TENM4: variants seen among roughly 807,000 people sequenced by gnomAD.
TENM4 encodes the protein teneurin-4.
TENM4 carries 82 observed loss-of-function variants against 243.3 expected under a neutral mutation model. That is an observed-to-expected ratio of 0.34 (90% confidence interval 0.28 to 0.40). The LOEUF (loss-of-function observed/expected upper bound fraction) is 0.40. Ranked by LOEUF, TENM4 falls within the 10% of genes least tolerant of loss-of-function variation. The pLI is 1.00. For missense variants in TENM4, 3,138 were observed against 3,673.3 expected, an observed-to-expected ratio of 0.85 and a Z score of 3.77; for synonymous variants, 1,412 against 1,456.3, an observed-to-expected ratio of 0.97 and a Z score of 0.69.
At chr11:78,714,506 A>G (rs1001206142) in intron 25 of TENM4, among the ~76,000 whole-genome samples, 5 of 146,118 alleles carry the variant, frequency 3.4e-5, no homozygotes, top group Non-Finnish European at 7.5e-5. Context: ...AACCAAGGGG[A>G]GGTCTCTCCG....
intron 3 of TENM4, among the ~76,000 whole-genome samples, chr11:79,198,664 C>G (rs1863683094): frequency 2.0e-5 from 3 of 152,226 alleles, no homozygotes; most frequent in Admixed American, 6.5e-5. Flanking sequence ...AGGTGCCAAC[C>G]CTGCTTTCTA....
chr11:79,057,574 T>G (rs1167131975), intron 6 of TENM4, among the ~76,000 whole-genome samples: 3 of 152,192 alleles, frequency 2.0e-5, no homozygotes, highest in Non-Finnish European at 4.4e-5. Flanking sequence ...ACAACTATTA[T>G]AGAGAAACAT....
intron 27 of TENM4, 69 bp from the exon 28 acceptor site, chr11:78,702,472 T>C: frequency 1.9e-6 from 3 of 1,549,360 alleles, no homozygotes; most frequent in African/African-American, 2.7e-5. Flanking sequence ...CCATAGCCCA[T>C]GTAGCCCATA....
chr11:79,138,434 T>C (rs1374147349), intron 4 of TENM4, among the ~76,000 whole-genome samples: 2 of 114,464 alleles, frequency 1.7e-5, no homozygotes, highest in African/African-American at 7.3e-5. Flanking sequence ...TATATATAAA[T>C]ATATATTATA....
At chr11:79,224,420 A>G (rs1864221952) in intron 2 of TENM4, among the ~76,000 whole-genome samples, 1 of 152,168 alleles carries the variant, frequency 6.6e-6, no homozygotes, top group Admixed American at 6.5e-5. Flanking sequence ...CAGTAAGTGA[A>G]GGAAGAATGT....
intron 15 of TENM4, among the ~76,000 whole-genome samples, chr11:78,800,720 T>C (rs1177042176): frequency 7.3e-6 from 1 of 137,886 alleles, no homozygotes; most frequent in Admixed American, 7.3e-5. Context: ...GGCCCTGACC[T>C]CACAGAGTTC....
rs552315930 is a variant in TENM4 at position 79,352,983 on chromosome 11, G to A, written c.-320-55440C>T. Among the ~76,000 whole-genome samples, 22 of 152,192 alleles carry A rather than the reference G, an allele frequency of 1.4e-4. No homozygotes were observed. The South Asian group carries it at 4.4e-3, about 30-fold the overall frequency. Reference sequence around the variant, plus strand: ...ACAGAAAAATGACAGAGAGACACAGGCAGACGGATACCCTCATTGGCAAGG... The same window carrying A: ...ACAGAAAAATGACAGAGAGACACAGACAGACGGATACCCTCATTGGCAAGG... On this transcript the variant is annotated intron_variant, in intron 1 of 33. Transcript: ENST00000278550.
chr11:79,162,410 C>A (rs942252911), intron 3 of TENM4, among the ~76,000 whole-genome samples: 2 of 152,100 alleles, frequency 1.3e-5, no homozygotes, highest in African/African-American at 2.4e-5. Flanking sequence ...ATAGGAAATA[C>A]TAAATAAGTA....
chr11:79,279,334 C>G (rs952021539), intron 2 of TENM4, among the ~76,000 whole-genome samples: 1 of 152,094 alleles, frequency 6.6e-6, no homozygotes, highest in Non-Finnish European at 1.5e-5. Flanking sequence ...CTGAGAGTAG[C>G]AACAGGTAAG....
chr11:79,000,810 C>T (rs1384223739), intron 6 of TENM4, among the ~76,000 whole-genome samples: 1 of 152,204 alleles, frequency 6.6e-6, no homozygotes, highest in Non-Finnish European at 1.5e-5. Flanking sequence ...GCAGGTGGAT[C>T]ACCTGAGGTC....
chr11:78,807,191 C>A (rs1015254325), intron 14 of TENM4, among the ~76,000 whole-genome samples: 4 of 152,176 alleles, frequency 2.6e-5, no homozygotes, highest in African/African-American at 9.7e-5. Flanking sequence ...ACTCTGCTTT[C>A]AATTCATTTG....
At position 78,732,499 on chromosome 11, in the gene TENM4, G is replaced by A; in HGVS notation, c.2955C>T (p.Thr985=). 2 of 1,613,682 alleles carry A rather than the reference G, an allele frequency of 1.2e-6. No individual in the cohort carries two copies. The highest frequency in any genetic ancestry group is 4.5e-5 in the East Asian group (2 of 44,866). Residue 985 remains threonine, a synonymous_variant, in exon 21 of 34, where the codon ACC becomes ACT. Transcript: ENST00000278550. ...ERAPFITQEH[T]LWLPWDRFFV... ...AGAAGCGATCCCATGGCAGCCACAG[G>A]GTGTGCTCCTGTGTGATGAAAGGTG...
intron 1 of TENM4, among the ~76,000 whole-genome samples, chr11:79,358,320 T>C (rs1857531036): frequency 6.6e-6 from 1 of 152,196 alleles, no homozygotes; most frequent in African/African-American, 2.4e-5. Context: ...CAATATTACA[T>C]CTTGTTGATC....
At chr11:78,903,887 G>A (rs1856000028) in intron 6 of TENM4, 2 of 533,706 alleles carry the variant, frequency 3.7e-6, no homozygotes, top group Non-Finnish European at 3.6e-6. Context: ...CTTCAGCATC[G>A]TCTGGGAACT....
chr11:78,918,489 G>T (rs959633186), intron 6 of TENM4, among the ~76,000 whole-genome samples: 2 of 150,362 alleles, frequency 1.3e-5, no homozygotes, highest in African/African-American at 2.4e-5. Context: ...AATCCAATCA[G>T]CCCAGTTCAG....
rs1259137399 is a variant in TENM4 at position 78,670,444 on chromosome 11, C to A, written c.5901G>T (p.Glu1967Asp). ...TGTAGTAGCCCACTGAGCGGATGGT[C>A]TCTAGTGTCTGCCGCGCCACGTTGG... is the stretch of plus-strand genomic sequence containing the variant. Reference protein sequence around the residue: ...TMPNVARQTLETIRSVGYYRN... With the variant: ...TMPNVARQTLDTIRSVGYYRN... Residue 1967 changes from glutamate to aspartate, a missense_variant, in exon 32 of 34, where the codon GAG becomes GAT. Around this residue, in one of 2 missense-constraint regions of TENM4, gnomAD observed 2,467 missense variants for 3,059.1 expected, o/e 0.81. Transcript: ENST00000278550. 6.2e-7 allele frequency: 1 copy of A among 1,613,832 alleles called. No individual in the cohort carries two copies. The highest frequency in any genetic ancestry group is 1.7e-5 in the Admixed American group (1 of 60,002).
chr11:79,205,280 C>T (rs761093583), intron 3 of TENM4, among the ~76,000 whole-genome samples: 3 of 152,092 alleles, frequency 2.0e-5, no homozygotes, highest in Non-Finnish European at 4.4e-5. Flanking sequence ...ACTGTCATAG[C>T]CAAGATATGG....
At chr11:79,061,676 C>T (rs1860090882) in intron 6 of TENM4, among the ~76,000 whole-genome samples, 1 of 152,170 alleles carries the variant, frequency 6.6e-6, no homozygotes, top group South Asian at 2.1e-4. Context: ...GTCACCATGG[C>T]AAGAAGCCTT....
At chr11:79,344,813 G>T (rs1272245246) in intron 1 of TENM4, among the ~76,000 whole-genome samples, 1 of 152,130 alleles carries the variant, frequency 6.6e-6, no homozygotes, top group Non-Finnish European at 1.5e-5. Context: ...AAATATTTCA[G>T]GAAACTGCAC....
Sources: allele counts gnomAD v4.1 joint callset (sites outside exome capture counted in the v4.1 genomes callset), GRCh38; gene constraint gnomAD v4.1.1; regional missense constraint gnomAD v4.1.1; transcripts MANE v1.5; gene names NCBI Gene and HGNC (gene_info 2026-07-23, HGNC 2026-07-21).